The following ADK variants were observed in gnomAD, a reference collection of about 807,000 sequenced individuals.
ADK encodes the protein adenosine kinase, also known as N6,N6-dimethyladenosine kinase.
ADK carries 24 observed loss-of-function variants against 44.7 expected under a neutral mutation model. The ratio of observed to expected loss-of-function variants is 0.54; its 90% CI spans 0.39 to 0.76. The LOEUF is 0.76. Among genes scored for constraint, ADK ranks in the 30% least tolerant of loss-of-function variants. ADK has a pLI of 0.00. For missense variants in ADK, 321 were observed against 425.1 expected, an observed-to-expected ratio of 0.76 and a Z score of 2.15; for synonymous variants, 128 against 142.6, an observed-to-expected ratio of 0.90 and a Z score of 0.73.
At chr10:74,328,200 T>A (rs530868748) in intron 4 of ADK, among the ~76,000 whole-genome samples, 189 of 152,188 alleles carry the variant, frequency 1.2e-3, no homozygotes, top group Non-Finnish European at 1.8e-3. Context: ...TGAGCCAACT[T>A]GTCCAGCCAC....
chr10:74,167,385 T>A (rs7100084), intron 1 of ADK, among the ~76,000 whole-genome samples: 10,758 of 152,264 alleles, frequency 0.071, 1,304 homozygotes, highest in African/African-American at 0.24. Flanking sequence ...TTAGATGTCA[T>A]GATTTTTGGA....
chr10:74,342,787 G>GTGTA (rs2131879202), intron 4 of ADK, among the ~76,000 whole-genome samples: 1 of 151,610 alleles, frequency 6.6e-6, no homozygotes, highest in African/African-American at 2.4e-5. Flanking sequence ...GTTTGTGTGT[G>GTGTA]TGTGTGTGTG....
chr10:74,313,540 T>TG (rs1840519732), intron 3 of ADK, among the ~76,000 whole-genome samples: 1 of 152,094 alleles, frequency 6.6e-6, no homozygotes, highest in African/African-American at 2.4e-5. Flanking sequence ...ATTAGTCTGA[T>TG]TTTTATTCCT....
intron 3 of ADK, among the ~76,000 whole-genome samples, chr10:74,257,567 A>T (rs930953325): frequency 5.9e-5 from 9 of 152,176 alleles, no homozygotes; most frequent in African/African-American, 2.2e-4. Context: ...TTAATTTAGA[A>T]TAATCATCTA....
At chr10:74,607,335 T>G (rs1852359995) in intron 9 of ADK, among the ~76,000 whole-genome samples, 1 of 152,232 alleles carries the variant, frequency 6.6e-6, no homozygotes, top group Non-Finnish European at 1.5e-5. Flanking sequence ...TTGATGGTCT[T>G]TACAATTTGG....
At chr10:74,238,755 T>G (rs989016153) in intron 3 of ADK, among the ~76,000 whole-genome samples, 1 of 150,948 alleles carries the variant, frequency 6.6e-6, no homozygotes, top group African/African-American at 2.4e-5. Flanking sequence ...GCAGGGCACC[T>G]TTAAAAAGAA....
At chr10:74,589,153 A>C (rs1049662827) in intron 7 of ADK, 129 bp from the exon 8 acceptor site, 14 of 787,856 alleles carry the variant, frequency 1.8e-5, no homozygotes, top group Non-Finnish European at 2.7e-5. Flanking sequence ...TGTAAGAATA[A>C]AAATTGAACT....
chr10:74,351,118 A>G (rs893564377), intron 4 of ADK, among the ~76,000 whole-genome samples: 1 of 152,220 alleles, frequency 6.6e-6, no homozygotes, highest in African/African-American at 2.4e-5. Flanking sequence ...TGACAGAGAC[A>G]CAACAAAAAA....
chr10:74,193,881 A>G (rs1843036118), intron 1 of ADK, among the ~76,000 whole-genome samples: 1 of 152,182 alleles, frequency 6.6e-6, no homozygotes, highest in Non-Finnish European at 1.5e-5. Flanking sequence ...ATTTCAAAAA[A>G]ATCTTTACCC....
intron 7 of ADK, among the ~76,000 whole-genome samples, chr10:74,559,902 A>T: frequency 6.9e-6 from 1 of 145,472 alleles, no homozygotes. Context: ...ATAAATCCTT[A>T]CTTGTAAATA....
chr10:74,707,482 G>T (rs1470736385), intron 10 of ADK, among the ~76,000 whole-genome samples: 1 of 152,034 alleles, frequency 6.6e-6, no homozygotes, highest in East Asian at 1.9e-4. Flanking sequence ...TGCTTCCCTG[G>T]CTGGGTGTGG....
chr10:74,678,132 C>A (rs1034077918), intron 10 of ADK, among the ~76,000 whole-genome samples: 3 of 147,892 alleles, frequency 2.0e-5, no homozygotes, highest in African/African-American at 7.6e-5. Context: ...CAGGGGGAGA[C>A]CCTGTCTCTA....
chr10:74,268,351 A>G (rs1391082590), intron 3 of ADK, among the ~76,000 whole-genome samples: 1 of 151,996 alleles, frequency 6.6e-6, no homozygotes, highest in Non-Finnish European at 1.5e-5. Flanking sequence ...AACACATGAA[A>G]AACTTTTTTT....
At chr10:74,695,018 C>T (rs944451616) in intron 10 of ADK, among the ~76,000 whole-genome samples, 2 of 151,768 alleles carry the variant, frequency 1.3e-5, no homozygotes, top group African/African-American at 4.8e-5. Context: ...TGCCTAAACA[C>T]TACTTTTCTA....
At chr10:74,473,902 T>C (rs1476566514) in intron 6 of ADK, among the ~76,000 whole-genome samples, 2 of 152,208 alleles carry the variant, frequency 1.3e-5, no homozygotes, top group East Asian at 3.9e-4. Flanking sequence ...CCACAGTAAT[T>C]AATAAATATT....
chr10:74,449,879 A>G (rs182210473), intron 6 of ADK, among the ~76,000 whole-genome samples: 5 of 152,324 alleles, frequency 3.3e-5, no homozygotes, highest in African/African-American at 1.2e-4. Flanking sequence ...AAGTTCAACA[A>G]TGGTTTGTTG....
intron 7 of ADK, among the ~76,000 whole-genome samples, chr10:74,525,866 G>A (rs1849018064): frequency 6.6e-6 from 1 of 152,072 alleles, no homozygotes; most frequent in African/African-American, 2.4e-5. Flanking sequence ...TGTTGGCCAG[G>A]CTGGTCACGA....
intron 6 of ADK, among the ~76,000 whole-genome samples, chr10:74,464,301 C>A (rs1846272069): frequency 6.6e-6 from 1 of 151,814 alleles, no homozygotes; most frequent in Non-Finnish European, 1.5e-5. Context: ...AATCACAATA[C>A]CTTGAGAGTC....
intron 3 of ADK, among the ~76,000 whole-genome samples, chr10:74,264,488 A>G (rs1217443603): frequency 4.6e-5 from 7 of 152,070 alleles, no homozygotes; most frequent in Non-Finnish European, 1.0e-4. Context: ...CTTTTGAGAT[A>G]TTTTAAATTA....
Sources: gnomAD v4.1 joint callset for allele counts (sites outside exome capture counted in the v4.1 genomes callset) on GRCh38, gnomAD v4.1.1 for gene constraint, MANE v1.5 for transcripts, NCBI Gene and HGNC (gene_info 2026-07-23, HGNC 2026-07-21) for gene names.